The following CTNND2 variants were observed in gnomAD, a reference collection of about 807,000 sequenced individuals.
CTNND2 encodes the protein catenin delta-2.
A neutral mutation model predicts 144.4 loss-of-function variants in CTNND2; 22 were observed. The observed-to-expected ratio is 0.15, with a 90% CI of 0.11 to 0.22. CTNND2 has a LOEUF of 0.22. Among genes scored for constraint, CTNND2 ranks in the 10% least tolerant of loss-of-function variants. CTNND2 has a pLI of 1.00. For synonymous variants in CTNND2, 751 were observed against 695.6 expected (o/e 1.08, Z -1.25); for missense variants, 1,353 against 1,618.8 (o/e 0.84, Z 2.82).
chr5:11,819,833 G>C (rs1286248560), intron 1 of CTNND2, among the ~76,000 whole-genome samples: 1 of 152,184 alleles, frequency 6.6e-6, no homozygotes, highest in Admixed American at 6.5e-5. Context: ...TGGCAGAGGA[G>C]CTCTAAACAC....
intron 1 of CTNND2, among the ~76,000 whole-genome samples, chr5:11,813,244 C>T (rs187224806): frequency 8.1e-4 from 123 of 152,246 alleles, no homozygotes; most frequent in Non-Finnish European, 3.4e-4. Flanking sequence ...ACAGGCTGTA[C>T]CAACTACTTG....
chr5:11,022,550 T>C (rs1742366476), intron 17 of CTNND2, among the ~76,000 whole-genome samples: 1 of 152,182 alleles, frequency 6.6e-6, no homozygotes, highest in African/African-American at 2.4e-5. Context: ...CTCGTGTCGC[T>C]GCCATGTGGA....
intron 11 of CTNND2, among the ~76,000 whole-genome samples, chr5:11,166,651 C>T (rs974837710): frequency 2.0e-5 from 3 of 152,118 alleles, no homozygotes; most frequent in African/African-American, 7.2e-5. Context: ...CCTCCACCCA[C>T]ACCCATTCAC....
At chr5:11,562,042 A>C (rs1776722399) in intron 3 of CTNND2, among the ~76,000 whole-genome samples, 2 of 152,120 alleles carry the variant, frequency 1.3e-5, no homozygotes, top group African/African-American at 2.4e-5. Flanking sequence ...GAGCAAGACT[A>C]CATCTCAAAA....
At chr5:11,017,066 T>G (rs1203091449) in intron 18 of CTNND2, among the ~76,000 whole-genome samples, 1 of 152,056 alleles carries the variant, frequency 6.6e-6, no homozygotes, top group African/African-American at 2.4e-5. Context: ...TGTGAGCCAC[T>G]GCACATGGCC....
At chr5:11,114,471 T>C (rs1753346215) in intron 13 of CTNND2, among the ~76,000 whole-genome samples, 1 of 152,112 alleles carries the variant, frequency 6.6e-6, no homozygotes. Flanking sequence ...TGGGTTGGTT[T>C]GGGAGAGTTA....
intron 9 of CTNND2, among the ~76,000 whole-genome samples, chr5:11,245,241 A>G (rs972540468): frequency 9.9e-5 from 15 of 152,204 alleles, no homozygotes; most frequent in Admixed American, 5.9e-4. Context: ...TATTTGTGAT[A>G]AAGACTCTGG....
At chr5:11,879,356 T>TATATATATATATATATAC (rs904010417) in intron 1 of CTNND2, among the ~76,000 whole-genome samples, 7 of 141,368 alleles carry the variant, frequency 5.0e-5, no homozygotes, top group African/African-American at 7.6e-5. Flanking sequence ...TATATATATA[T>TATATATATATATATATAC]ACATATACAC....
At chr5:11,259,018 A>C (rs1158127462) in intron 9 of CTNND2, among the ~76,000 whole-genome samples, 2 of 152,148 alleles carry the variant, frequency 1.3e-5, no homozygotes, top group African/African-American at 4.8e-5. Flanking sequence ...TCAAACACAA[A>C]TCCACAAGTT....
At chr5:11,412,200 T>C (rs754973220) in intron 3 of CTNND2, 131 bp from the exon 4 acceptor site, 197 of 663,542 alleles carry the variant, frequency 3.0e-4, no homozygotes, top group Non-Finnish European at 4.4e-4. Flanking sequence ...TTTCTTACTA[T>C]GAAAAGGGAT....
chr5:11,861,044 G>A (rs985312156), intron 1 of CTNND2, among the ~76,000 whole-genome samples: 26 of 152,180 alleles, frequency 1.7e-4, no homozygotes, highest in African/African-American at 6.0e-4. Context: ...CCTCTAAGAT[G>A]TAAACTATAG....
chr5:11,781,991 C>G (rs74320358), intron 1 of CTNND2, among the ~76,000 whole-genome samples: 1 of 152,182 alleles, frequency 6.6e-6, no homozygotes, highest in Admixed American at 6.5e-5. Flanking sequence ...AATCCAACCA[C>G]GTCATGGGAG....
At chr5:11,333,090 A>T (rs575936939) in intron 9 of CTNND2, among the ~76,000 whole-genome samples, 1 of 152,184 alleles carries the variant, frequency 6.6e-6, no homozygotes, top group African/African-American at 2.4e-5. Context: ...TTTTCTATCT[A>T]CTTTATTTTA....
At chr5:11,436,959 A>T (rs1483408270) in intron 3 of CTNND2, among the ~76,000 whole-genome samples, 1 of 152,196 alleles carries the variant, frequency 6.6e-6, no homozygotes, top group African/African-American at 2.4e-5. Context: ...TAATCCACTA[A>T]ATCTAAGTAT....
chr5:11,157,915 A>G (rs766834816), intron 12 of CTNND2, among the ~76,000 whole-genome samples: 5 of 152,208 alleles, frequency 3.3e-5, no homozygotes, highest in Non-Finnish European at 7.3e-5. Context: ...CAGCAACACA[A>G]CCCAGACCCT....
At chr5:11,049,850 CT>C (rs1452676616) in intron 16 of CTNND2, among the ~76,000 whole-genome samples, 1 of 152,214 alleles carries the variant, frequency 6.6e-6, no homozygotes, top group Non-Finnish European at 1.5e-5. Flanking sequence ...CATTTAAATA[CT>C]AACTTTGTAA....
At chr5:11,699,495 G>A (rs1205512657) in intron 2 of CTNND2, among the ~76,000 whole-genome samples, 2 of 152,244 alleles carry the variant, frequency 1.3e-5, no homozygotes, top group South Asian at 4.1e-4. Flanking sequence ...TGAATAAAAA[G>A]TCTAAATGAC....
At chr5:11,133,644 G>A (rs1446726426) in intron 12 of CTNND2, among the ~76,000 whole-genome samples, 2 of 152,186 alleles carry the variant, frequency 1.3e-5, no homozygotes, top group Non-Finnish European at 1.5e-5. Flanking sequence ...GAGCCACCAC[G>A]CCTGGCCTAT....
At chr5:11,729,722 T>C (rs899051567) in intron 2 of CTNND2, among the ~76,000 whole-genome samples, 2 of 152,204 alleles carry the variant, frequency 1.3e-5, no homozygotes, top group Admixed American at 6.5e-5. Context: ...TCAATGGTTA[T>C]TGAACATTTT....
Sources: gnomAD v4.1 joint callset for allele counts (sites outside exome capture counted in the v4.1 genomes callset) on GRCh38, gnomAD v4.1.1 for gene constraint, MANE v1.5 for transcripts, NCBI Gene and HGNC (gene_info 2026-07-23, HGNC 2026-07-21) for gene names.